Variants in PELP1 observed in about 807,000 individuals in gnomAD.
PELP1 encodes the protein proline, glutamate and leucine rich protein 1.
In PELP1, 32 loss-of-function variants were observed where a neutral mutation model predicts 95.5. The ratio of observed to expected loss-of-function variants is 0.34; its 90% confidence interval spans 0.25 to 0.45. PELP1 has a LOEUF of 0.45. Among genes scored for constraint, PELP1 ranks in the 20% least tolerant of loss-of-function variants. PELP1 has a pLI of 1.00. For synonymous variants in PELP1, 668 were observed against 600.1 expected (o/e 1.11, Z -1.65); for missense variants, 1,358 against 1,444.8 (o/e 0.94, Z 0.97).
chr17:4,683,796 C>G lies in PELP1; in HGVS notation c.421-844G>C, dbSNP rs1912805285. Among the ~76,000 whole-genome samples the G allele has an allele frequency of 4.3e-5, 6 of 138,542 alleles. No individual in the cohort carries two copies. The Admixed American group carries it at 4.5e-4, about 10-fold the overall frequency. The allele number at this position is 138,542 out of a possible 152,430, so 90.9% of individuals were successfully genotyped here. Reference sequence around the variant, plus strand: ...TCCACCCACTTCAGACTCCAAAGTGCTAGGATTACAGGCGTGAGCCACAGT... The same window carrying G: ...TCCACCCACTTCAGACTCCAAAGTGGTAGGATTACAGGCGTGAGCCACAGT... On this transcript the variant is annotated intron_variant, in intron 3 of 16. Transcript: ENST00000572293.
intron 3 of PELP1, among the ~76,000 whole-genome samples, chr17:4,686,083 C>G (rs1042853571): frequency 2.4e-4 from 36 of 151,972 alleles, no homozygotes; most frequent in African/African-American, 8.7e-4. Context: ...GGCCACAGAG[C>G]GAGACTCCAC....
chr17:4,672,507 C>A lies in PELP1; in HGVS notation c.2484G>T (p.Glu828Asp). ...CTGGGGCTGCAGGAAGTTCTTCAGGCTCCTCCTTCGCTGGCACAGGAGGGG... is the reference window on the plus strand; with the variant it reads ...CTGGGGCTGCAGGAAGTTCTTCAGGATCCTCCTTCGCTGGCACAGGAGGGG... ...TASPPVPAKE[E>D]PEELPAAPGP... The change falls in exon 16 of 17, where the codon GAG (glutamate) becomes GAT (aspartate). Residue 828 changes from glutamate (E) to aspartate (D), a missense_variant. Coordinates refer to ENST00000572293, the MANE Select transcript of PELP1 (RefSeq NM_014389.3). 1 of 1,580,654 alleles carries A rather than the reference C, an allele frequency of 6.3e-7. No homozygotes were observed. The highest frequency in any genetic ancestry group is 8.6e-7 in the Non-Finnish European group (1 of 1,164,928).
At chr17:4,680,483 GC>G (rs974642026) in intron 5 of PELP1, among the ~76,000 whole-genome samples, 29 of 152,218 alleles carry the variant, frequency 1.9e-4, no homozygotes, top group African/African-American at 6.7e-4. Flanking sequence ...TCACTGTGTT[GC>G]CCAGGCTGGT....
chr17:4,671,588 T>G (rs1912203608), intron 16 of PELP1, 57 bp from the exon 17 acceptor site: 3 of 1,607,890 alleles, frequency 1.9e-6, no homozygotes, highest in Non-Finnish European at 2.5e-6. Context: ...CACAGAAGAA[T>G]GGTTCAGGCT....
intron 4 of PELP1, 35 bp from the exon 5 acceptor site, chr17:4,682,608 C>A (rs771072576): frequency 6.4e-7 from 1 of 1,554,596 alleles, no homozygotes. Flanking sequence ...CGAGAGGCTG[C>A]GAGCACCATG....
Position 4,703,902 on chromosome 17 carries a change from CAT to C in PELP1, c.208_209del (p.Met70ValfsTer26), listed in dbSNP as rs1913656128. 1 of 1,613,268 alleles carries C rather than the reference CAT, an allele frequency of 6.2e-7. No individual in the cohort carries two copies. Among genetic ancestry groups the C allele is most frequent in the Admixed American group, 1.7e-5 (1 of 59,970 alleles). On this transcript the variant is annotated frameshift_variant, in exon 1 of 17. Coordinates refer to ENST00000572293, the MANE Select transcript of PELP1 (RefSeq NM_014389.3). LOFTEE classifies it high-confidence loss of function. ...NRSAPHLPGL[M>X]CLLRLHGSVG... ...CCGACCCATGCAGCCGCAATAGGCA[CAT>C]GAGCCCGGGCAAATGTGGGGCCGAG...
rs1362990925 is a variant in PELP1 at position 4,671,374 on chromosome 17, G to C, written c.*65C>G. ...GGGGACCCAGGTGTGGCAAAAGGCA[G>C]AAGCAGCAGTCGCTATCTAAGGACA... On this transcript the variant is annotated 3_prime_UTR_variant, in exon 17 of 17. Transcript: ENST00000572293. 3.2e-6 allele frequency: 3 copies of C among 927,350 alleles called. No individual in the cohort carries two copies. Among genetic ancestry groups the C allele is most frequent in the South Asian group, 2.6e-5 (2 of 75,510 alleles). 57.4% of individuals were successfully genotyped at this position (927,350 alleles called of 1,614,324 possible).
intron 1 of PELP1, among the ~76,000 whole-genome samples, chr17:4,692,376 A>G (rs1042735422): frequency 3.2e-4 from 48 of 151,832 alleles, no homozygotes; most frequent in African/African-American, 8.5e-4. Flanking sequence ...CTGAGGCAGG[A>G]GAATGGCGTG....
At position 4,670,876 on chromosome 17, in the gene PELP1, G is replaced by A. The variant is rs190117312; in HGVS notation, c.*563C>T. The A allele has an allele frequency of 1.2e-3, 188 of 154,216 alleles. 1 individual carries two copies. Among genetic ancestry groups the A allele is most frequent in the Admixed American group, 9.7e-3 (150 of 15,390 alleles). The allele number at this position is 154,216 out of a possible 1,614,324, so 9.6% of individuals were successfully genotyped here. The stretch of plus-strand genomic sequence containing the variant: ...CCCCAAAACAGAGGTCATTCCCAAC[G>A]TACCCACTACGGACACCCTTTCATC... On this transcript the variant is annotated 3_prime_UTR_variant, in exon 17 of 17. Coordinates refer to ENST00000572293, the MANE Select transcript of PELP1 (RefSeq NM_014389.3).
rs1912500201 is a variant in PELP1, at chr17:4,676,828, A to G, written c.643-16T>C. 2 of 1,557,234 alleles carry G rather than the reference A, an allele frequency of 1.3e-6. No individual in the cohort carries two copies. Among genetic ancestry groups the G allele is most frequent in the Admixed American group, 1.9e-5 (1 of 51,724 alleles). ...CCAGCTTGCCCTGGATGTGGAGGAAAAAAGGAAGAGGCCAGTGAGCCAGCT... is the reference window on the plus strand; with the variant it reads ...CCAGCTTGCCCTGGATGTGGAGGAAGAAAGGAAGAGGCCAGTGAGCCAGCT... On this transcript the variant is annotated splice_polypyrimidine_tract_variant and intron_variant, in intron 5 of 16. Transcript: ENST00000572293.
At chr17:4,695,580 C>T (rs1913264827) in intron 1 of PELP1, among the ~76,000 whole-genome samples, 4 of 147,266 alleles carry the variant, frequency 2.7e-5, no homozygotes, top group South Asian at 2.2e-4. Flanking sequence ...GCAGAAGGAT[C>T]GCTTGAATCC....
intron 5 of PELP1, 28 bp downstream of exon 5, chr17:4,682,474 G>A (rs1445411463): frequency 5.5e-6 from 8 of 1,450,890 alleles, no homozygotes; most frequent in Non-Finnish European, 7.8e-6. Flanking sequence ...GCTTACACTG[G>A]TGGGGAGAAG....
At chr17:4,691,164 C>T in intron 2 of PELP1, 171 bp from the exon 3 acceptor site, 1 of 649,610 alleles carries the variant, frequency 1.5e-6, no homozygotes, top group Non-Finnish European at 2.7e-6. Flanking sequence ...AAGAAGGGAG[C>T]AGAGGTAATC....
chr17:4,685,624 T>A (rs1389588559), intron 3 of PELP1, among the ~76,000 whole-genome samples: 2 of 7,236 alleles, frequency 2.8e-4, no homozygotes, highest in Admixed American at 5.6e-3. Context: ...AACCCATCTG[T>A]ACAAAAAAAA....
intron 16 of PELP1, 50 bp downstream of exon 16, chr17:4,671,641 C>T (rs746613881): frequency 1.1e-5 from 18 of 1,600,846 alleles, no homozygotes; most frequent in South Asian, 8.9e-5. Context: ...CCCCTTCTCC[C>T]GCCAGCCCCA....
At position 4,673,037 on chromosome 17, in the gene PELP1, G is replaced by A. The variant is rs566672712; in HGVS notation, c.1954C>T (p.Pro652Ser). ...GPTCPTPAPV[P>S]PPEAPSPFRA... ...AAGGGCGATGGGGCCTCAGGAGGGG[G>A]AACTGGAGCAGGTGTGGGGCAGGTG... is the stretch of plus-strand genomic sequence containing the variant. Residue 652 changes from proline to serine, a missense_variant, in exon 16 of 17, where the codon CCC (proline) becomes TCC (serine). By Grantham distance (74) the Pro-to-Ser change is moderately conservative. Coordinates refer to ENST00000572293, the MANE Select transcript of PELP1 (RefSeq NM_014389.3). The surrounding 1 kb of genome is among the most constrained non-coding windows in gnomAD (Gnocchi z 5.7). The A allele has an allele frequency of 2.6e-5, 40 of 1,532,622 alleles. No homozygotes were observed. Among genetic ancestry groups the A allele is most frequent in the Middle Eastern group, 1.8e-4 (1 of 5,604 alleles). 94.9% of individuals were successfully genotyped at this position (1,532,622 alleles called of 1,614,324 possible).
At chr17:4,671,608 T>C in intron 16 of PELP1, 77 bp from the exon 17 acceptor site, 1 of 1,604,394 alleles carries the variant, frequency 6.2e-7, no homozygotes, top group Non-Finnish European at 8.5e-7. Flanking sequence ...TGGGCAAACC[T>C]CTCCTAAGAG....
chr17:4,700,615 T>A (rs996999780), intron 1 of PELP1, among the ~76,000 whole-genome samples: 1 of 151,910 alleles, frequency 6.6e-6, no homozygotes, highest in Admixed American at 6.6e-5. Flanking sequence ...TAAATGACAT[T>A]TGGGATTTGC....
chr17:4,672,633 G>A lies in PELP1; in HGVS notation c.2358C>T (p.Asp786=), dbSNP rs767371677. The A allele has an allele frequency of 4.3e-6, 7 of 1,610,996 alleles. No individual in the cohort carries two copies. In the East Asian group the frequency reaches 8.9e-5, roughly 21 times the overall value. The part of the protein sequence containing the change: ...VEISLESDSD[D]SVVIVPEGLP... ...GCCCCTCGGGCACGATCACCACGCTGTCATCAGAGTCACTTTCCAAGGAGA... is the reference window on the plus strand; with the variant it reads ...GCCCCTCGGGCACGATCACCACGCTATCATCAGAGTCACTTTCCAAGGAGA... The change falls in exon 16 of 17, where the codon GAC becomes GAT. Residue 786 remains aspartate, a synonymous_variant. Coordinates refer to ENST00000572293, the MANE Select transcript of PELP1 (RefSeq NM_014389.3).
Sources: allele counts gnomAD v4.1 joint callset (sites outside exome capture counted in the v4.1 genomes callset), GRCh38; gene constraint gnomAD v4.1.1; non-coding constraint Gnocchi (gnomAD v3.1); transcripts MANE v1.5; gene names NCBI Gene and HGNC (gene_info 2026-07-23, HGNC 2026-07-21).